Variants in FARP1 observed in about 807,000 individuals in gnomAD.
FARP1 encodes FERM, ARHGEF and pleckstrin domain-containing protein 1.
A neutral mutation model predicts 128.8 loss-of-function variants in FARP1; 52 were observed. That is an observed-to-expected ratio of 0.40 (90% CI 0.32 to 0.51). The LOEUF is 0.51. Among genes scored for constraint, FARP1 ranks in the 20% least tolerant of loss-of-function variants. The probability of loss-of-function intolerance (pLI) is 0.45; values close to 1 mark genes in which losing one functional copy is unlikely to be tolerated. For missense variants in FARP1, 1,333 were observed against 1,367.9 expected, an observed-to-expected ratio of 0.97 and a Z score of 0.40; for synonymous variants, 580 against 551.8, an observed-to-expected ratio of 1.05 and a Z score of -0.72.
intron 6 of FARP1, 165 bp from the exon 7 acceptor site, chr13:98,384,565 A>G: frequency 4.9e-6 from 3 of 609,460 alleles, no homozygotes; most frequent in Non-Finnish European, 8.8e-6. Context: ...CAATTGATAA[A>G]TGTATCCTGG....
At chr13:98,343,495 G>A (rs887888100) in intron 2 of FARP1, among the ~76,000 whole-genome samples, 3 of 152,158 alleles carry the variant, frequency 2.0e-5, no homozygotes, top group African/African-American at 4.8e-5. Flanking sequence ...AAAAATAGTC[G>A]ATTAATTGAA....
chr13:98,312,615 G>C (rs144678409), intron 2 of FARP1, among the ~76,000 whole-genome samples: 3 of 152,132 alleles, frequency 2.0e-5, no homozygotes, highest in Non-Finnish European at 2.9e-5. Context: ...GGTCAGTATA[G>C]CTCAGTGGAA....
chr13:98,304,346 A>T (rs1038195608), intron 2 of FARP1, among the ~76,000 whole-genome samples: 1 of 152,224 alleles, frequency 6.6e-6, no homozygotes, highest in Non-Finnish European at 1.5e-5. Flanking sequence ...TCTAAGAACT[A>T]GGTGGGAAGA....
At position 98,305,022 on chromosome 13, in the gene FARP1, A is replaced by AAGAG. The variant is rs149483166; in HGVS notation, c.172-38727_172-38724dup. Among the ~76,000 whole-genome samples the AAGAG allele has an allele frequency of 1.2e-3, 179 of 150,144 alleles. 1 individual carries two copies. Among genetic ancestry groups the AAGAG allele is most frequent in the Middle Eastern group, 6.8e-3 (2 of 292 alleles). ...TAGGCATGGCCATAATGCTTTTAGCAAGAGAGAGAGAGAGAGGAGTGAAGG... is the reference window on the plus strand; with the variant it reads ...TAGGCATGGCCATAATGCTTTTAGCAAGAGAGAGAGAGAGAGAGAGGAGTGAAGG... On this transcript the variant is annotated intron_variant, in intron 2 of 26. Coordinates refer to ENST00000319562, the MANE Select transcript of FARP1 (RefSeq NM_005766.4).
intron 13 of FARP1, 143 bp from the exon 14 acceptor site, chr13:98,409,195 C>T: frequency 1.6e-6 from 1 of 642,990 alleles, no homozygotes; most frequent in Non-Finnish European, 2.6e-6. Context: ...AGGAAAAAAA[C>T]TAGAAAATAA....
intron 2 of FARP1, among the ~76,000 whole-genome samples, chr13:98,313,460 TGGA>T (rs1555336604): frequency 3.9e-5 from 6 of 152,186 alleles, no homozygotes; most frequent in Non-Finnish European, 8.8e-5. Flanking sequence ...AGGAGAGGCA[TGGA>T]GCAGATTCTC....
chr13:98,335,433 AC>A (rs1887699512), intron 2 of FARP1, among the ~76,000 whole-genome samples: 1 of 152,198 alleles, frequency 6.6e-6, no homozygotes, highest in South Asian at 2.1e-4. Context: ...TGTGAGACTT[AC>A]TATCACGAGA....
chr13:98,327,813 G>A (rs1887300039), intron 2 of FARP1, among the ~76,000 whole-genome samples: 1 of 152,154 alleles, frequency 6.6e-6, no homozygotes, highest in Non-Finnish European at 1.5e-5. Context: ...CCTGCAAAGC[G>A]GGCATTCTGA....
At chr13:98,292,812 G>A (rs1331659193) in intron 2 of FARP1, among the ~76,000 whole-genome samples, 1 of 152,132 alleles carries the variant, frequency 6.6e-6, no homozygotes, top group Non-Finnish European at 1.5e-5. Flanking sequence ...TGGTGGTGTA[G>A]GATGGGAAGC....
At chr13:98,345,978 C>T (rs753153175) in intron 3 of FARP1, among the ~76,000 whole-genome samples, 17 of 152,090 alleles carry the variant, frequency 1.1e-4, no homozygotes, top group Non-Finnish European at 2.4e-4. Context: ...ATTCCTGCAA[C>T]GGTGCATTAT....
chr13:98,319,649 ATC>A (rs1886904977), intron 2 of FARP1, among the ~76,000 whole-genome samples: 1 of 152,198 alleles, frequency 6.6e-6, no homozygotes, highest in South Asian at 2.1e-4. Context: ...GCCTCCATTT[ATC>A]TCTCTTCTTC....
At chr13:98,286,137 C>G (rs1452183179) in intron 2 of FARP1, among the ~76,000 whole-genome samples, 3 of 152,172 alleles carry the variant, frequency 2.0e-5, no homozygotes, top group African/African-American at 7.2e-5. Flanking sequence ...AACCAGAAAC[C>G]TGCGTGGCCC....
At chr13:98,165,310 T>C (rs550592103) in intron 1 of FARP1, among the ~76,000 whole-genome samples, 4 of 151,200 alleles carry the variant, frequency 2.6e-5, no homozygotes, top group East Asian at 3.9e-4. Context: ...TAATTTAAAA[T>C]CATACTGTAA....
At chr13:98,156,601 C>T (rs1213265992) in intron 1 of FARP1, among the ~76,000 whole-genome samples, 1 of 151,848 alleles carries the variant, frequency 6.6e-6, no homozygotes, top group Non-Finnish European at 1.5e-5. Flanking sequence ...AGAAATGGGA[C>T]TTTGCTTTGT....
intron 5 of FARP1, among the ~76,000 whole-genome samples, chr13:98,368,835 A>G (rs1889207560): frequency 6.6e-6 from 1 of 152,028 alleles, no homozygotes; most frequent in African/African-American, 2.4e-5. Flanking sequence ...CATTGTCACC[A>G]TCACCATCAC....
In FARP1 at chr13:98,291,185, T is replaced by C. The variant is rs149021357; in HGVS notation, c.172-52577T>C. 1.3e-3 allele frequency among the ~76,000 whole-genome samples: 202 copies of C among 152,332 alleles called. 1 individual carries two copies. The highest frequency in any genetic ancestry group is 4.7e-3 in the African/African-American group (194 of 41,578). On this transcript the variant is annotated intron_variant, in intron 2 of 26. Transcript: ENST00000319562. ...ATTAACATGTTTTGTATGTTGTATG[T>C]ATTATATACTGAGATTCCTACAGTA...
intron 2 of FARP1, among the ~76,000 whole-genome samples, chr13:98,252,004 T>C (rs548008866): frequency 2.1e-5 from 3 of 145,552 alleles, no homozygotes; most frequent in African/African-American, 7.3e-5. Context: ...CCTGCCACCA[T>C]GCCCGGTTAT....
chr13:98,287,208 CTTTTTTTTTTTTTTTTTTTT>C lies in FARP1; in HGVS notation c.172-56533_172-56514del, dbSNP rs71111939. 4.2e-4 allele frequency among the ~76,000 whole-genome samples: 32 copies of C among 75,844 alleles called. 1 individual carries two copies. Among genetic ancestry groups the C allele is most frequent in the Admixed American group, 1.9e-3 (12 of 6,252 alleles). 49.8% of individuals were successfully genotyped at this position (75,844 alleles called of 152,430 possible). A position where few individuals can be genotyped will look rare whatever the true frequency, so the allele number is the denominator to read the frequency against. ...TTTCCAAATTAACCATCAGACATGTCTTTTTTTTTTTTTTTTTTTTTTTTTTTTTTTTTTTTTTTTGAGAT... is the reference window on the plus strand; with the variant it reads ...TTTCCAAATTAACCATCAGACATGTCTTTTTTTTTTTTTTTTTTTTGAGAT... On this transcript the variant is annotated intron_variant, in intron 2 of 26. Coordinates refer to ENST00000319562, the MANE Select transcript of FARP1 (RefSeq NM_005766.4).
At chr13:98,196,695 T>G (rs1310137681) in intron 1 of FARP1, among the ~76,000 whole-genome samples, 1 of 152,224 alleles carries the variant, frequency 6.6e-6, no homozygotes, top group Non-Finnish European at 1.5e-5. Flanking sequence ...GACTCCAGTC[T>G]GGTGGTCAAC....
Sources: gnomAD v4.1 joint callset for allele counts (sites outside exome capture counted in the v4.1 genomes callset) on GRCh38, gnomAD v4.1.1 for gene constraint, MANE v1.5 for transcripts, NCBI Gene and HGNC (gene_info 2026-07-23, HGNC 2026-07-21) for gene names.